The following CSMD1 variants were observed in gnomAD, a reference collection of about 807,000 sequenced individuals.
CSMD1 encodes CUB and sushi domain-containing protein 1.
CSMD1 carries 213 observed loss-of-function variants against 417.5 expected under a neutral mutation model. That is an observed-to-expected ratio of 0.51 (90% confidence interval 0.46 to 0.57). The LOEUF (loss-of-function observed/expected upper bound fraction) is 0.57, where lower values mean the gene tolerates loss of function less well. Ranked by LOEUF, CSMD1 falls within the 20% of genes least tolerant of loss-of-function variation. The pLI is 0.00. For missense variants in CSMD1, 6,923 were observed against 4,529.7 expected, an observed-to-expected ratio of 1.53 and a Z score of -15.17; for synonymous variants, 2,862 against 1,736.8, an observed-to-expected ratio of 1.65 and a Z score of -16.11.
intron 2 of CSMD1, among the ~76,000 whole-genome samples, chr8:4,500,865 CG>C (rs1345372952): frequency 6.6e-6 from 1 of 152,040 alleles, no homozygotes; most frequent in East Asian, 1.9e-4. Context: ...CTGTCTCTGG[CG>C]TAACCTTATT....
chr8:4,372,946 C>T (rs146825342), intron 3 of CSMD1, among the ~76,000 whole-genome samples: 8 of 152,248 alleles, frequency 5.3e-5, no homozygotes, highest in Admixed American at 2.0e-4. Context: ...GATTTGCTTC[C>T]GAAGAGTGCA....
chr8:4,406,673 T>C (rs1805047888), intron 3 of CSMD1, among the ~76,000 whole-genome samples: 1 of 152,160 alleles, frequency 6.6e-6, no homozygotes, highest in South Asian at 2.1e-4. Context: ...GGCCATGCCT[T>C]ACACAAAAAC....
chr8:3,653,810 C>A (rs1038658595), intron 7 of CSMD1, among the ~76,000 whole-genome samples: 18 of 152,090 alleles, frequency 1.2e-4, no homozygotes, highest in African/African-American at 4.1e-4. Flanking sequence ...GTTTAATGAC[C>A]AATACATATT....
intron 7 of CSMD1, among the ~76,000 whole-genome samples, chr8:3,705,165 G>T (rs12544037): frequency 0.42 from 64,373 of 151,904 alleles, 14,232 homozygotes; most frequent in South Asian, 0.55. Flanking sequence ...GGCAGTGGCA[G>T]GGGAAGGAGT....
intron 3 of CSMD1, among the ~76,000 whole-genome samples, chr8:4,413,127 A>G (rs985591337): frequency 1.3e-5 from 2 of 152,204 alleles, no homozygotes; most frequent in East Asian, 3.8e-4. Context: ...AGATGGATAT[A>G]TAGAATATGG....
chr8:4,907,469 A>T (rs983246323), intron 1 of CSMD1, among the ~76,000 whole-genome samples: 2 of 152,216 alleles, frequency 1.3e-5, no homozygotes, highest in Non-Finnish European at 2.9e-5. Context: ...TACCTTTAAA[A>T]TAAATATAAA....
At chr8:3,829,826 C>T (rs935546264) in intron 5 of CSMD1, among the ~76,000 whole-genome samples, 9 of 152,014 alleles carry the variant, frequency 5.9e-5, no homozygotes, top group African/African-American at 1.2e-4. Flanking sequence ...TGAATAAGTT[C>T]GTTTTAAGAA....
chr8:4,862,413 G>T (rs557308369), intron 1 of CSMD1, among the ~76,000 whole-genome samples: 1 of 152,098 alleles, frequency 6.6e-6, no homozygotes, highest in Non-Finnish European at 1.5e-5. Context: ...TAGCTGTGAA[G>T]TAGATGATGA....
intron 52 of CSMD1, among the ~76,000 whole-genome samples, chr8:3,016,790 C>CT (rs1272439014): frequency 6.6e-6 from 1 of 152,122 alleles, no homozygotes; most frequent in Admixed American, 6.5e-5. Context: ...GGACTCATTT[C>CT]TGAGTGAATC....
intron 9 of CSMD1, 115 bp downstream of exon 9, chr8:3,586,021 C>T: frequency 2.8e-6 from 3 of 1,056,568 alleles, no homozygotes; most frequent in Non-Finnish European, 3.9e-6. Context: ...ACATACATTA[C>T]TACCGAATTC....
At chr8:4,022,861 G>A (rs1277487790) in intron 4 of CSMD1, among the ~76,000 whole-genome samples, 2 of 152,330 alleles carry the variant, frequency 1.3e-5, no homozygotes, top group East Asian at 1.9e-4. Flanking sequence ...TTCGGAGCAA[G>A]AATTCACATA....
intron 3 of CSMD1, among the ~76,000 whole-genome samples, chr8:4,132,194 T>G (rs1803151023): frequency 4.7e-5 from 1 of 21,380 alleles, no homozygotes; most frequent in African/African-American, 7.4e-5. Context: ...TGTCATGGAT[T>G]TTTTTTTTTT....
chr8:4,563,368 T>A (rs1418737082), intron 2 of CSMD1, among the ~76,000 whole-genome samples: 1 of 152,070 alleles, frequency 6.6e-6, no homozygotes, highest in Non-Finnish European at 1.5e-5. Context: ...GCCGCTGCAC[T>A]CCAGCCTGGG....
intron 28 of CSMD1, among the ~76,000 whole-genome samples, chr8:3,221,721 G>A (rs762304608): frequency 6.6e-6 from 1 of 151,924 alleles, no homozygotes; most frequent in Admixed American, 6.6e-5. Context: ...GCATGCCAAA[G>A]CCTGACTCAA....
At position 3,603,225 on chromosome 8, in the gene CSMD1, T is replaced by C. The variant is rs182774551; in HGVS notation, c.1097+13485A>G. 2.6e-5 allele frequency among the ~76,000 whole-genome samples: 4 copies of C among 152,322 alleles called. No individual in the cohort carries two copies. The East Asian group carries it at 7.7e-4, about 29-fold the overall frequency. ...AGAGCAGTAATCATCGGCAAATATT[T>C]TTCCTACTCTGCTTCAGTTTCCTAG... On this transcript the variant is annotated intron_variant, in intron 8 of 69. Coordinates refer to ENST00000635120, the MANE Select transcript of CSMD1 (RefSeq NM_033225.6).
intron 1 of CSMD1, among the ~76,000 whole-genome samples, chr8:4,716,153 C>T (rs1040054997): frequency 3.3e-5 from 5 of 152,158 alleles, no homozygotes; most frequent in African/African-American, 1.2e-4. Flanking sequence ...GCCAGGCTGA[C>T]TTCACACTTC....
intron 21 of CSMD1, among the ~76,000 whole-genome samples, chr8:3,348,369 T>C (rs774016294): frequency 1.3e-5 from 2 of 152,208 alleles, no homozygotes; most frequent in Non-Finnish European, 2.9e-5. Flanking sequence ...TTTTGAAAAT[T>C]GTCTTATTAA....
intron 18 of CSMD1, 120 bp from the exon 19 acceptor site, chr8:3,369,490 A>C: frequency 1.7e-6 from 1 of 605,422 alleles, no homozygotes; most frequent in Non-Finnish European, 3.0e-6. Flanking sequence ...GTCATATCCA[A>C]GAAAAACCAA....
intron 1 of CSMD1, among the ~76,000 whole-genome samples, chr8:4,938,289 G>A (rs1422408298): frequency 2.0e-5 from 3 of 152,122 alleles, no homozygotes; most frequent in Non-Finnish European, 2.9e-5. Context: ...TTTGCAGAGT[G>A]GGAAATTTGA....
Sources: gnomAD v4.1 joint callset for allele counts (sites outside exome capture counted in the v4.1 genomes callset) on GRCh38, gnomAD v4.1.1 for gene constraint, MANE v1.5 for transcripts, NCBI Gene and HGNC (gene_info 2026-07-23, HGNC 2026-07-21) for gene names.